Variants in GRIN3B observed in about 807,000 individuals in gnomAD.
The protein encoded by GRIN3B is glutamate receptor ionotropic, NMDA 3B.
Under a neutral mutation model 66.0 loss-of-function variants are expected in GRIN3B, and 77 were observed. The ratio of observed to expected loss-of-function variants is 1.17; its 90% CI spans 0.97 to 1.41. GRIN3B has a LOEUF of 1.41. Ranked by LOEUF, GRIN3B falls within the 40% of genes most tolerant of loss-of-function variation. The pLI is 0.00. For missense variants in GRIN3B, 1,787 were observed against 1,564.5 expected (o/e 1.14, Z -2.40); for synonymous variants, 823 against 749.7 (o/e 1.10, Z -1.60).
In GRIN3B at chr19:1,009,581, C is replaced by T. The variant is rs779119922; in HGVS notation, c.3111C>T (p.Gly1037=). ...CCGCGGAGGCCCCACCACACTCTGG[C>T]CGACCGGGGAGCCAGGAATGAGGCG... The part of the protein sequence containing the change: ...AAPAEAPPHS[G]RPGSQE The change falls in exon 9 of 9, where the codon GGC becomes GGT. Residue 1037 remains glycine, a synonymous_variant. Coordinates refer to ENST00000234389, the MANE Select transcript of GRIN3B (RefSeq NM_138690.3). 1 of 1,443,360 alleles carries T rather than the reference C, an allele frequency of 6.9e-7. No homozygotes were observed. Among genetic ancestry groups the T allele is most frequent in the Non-Finnish European group, 9.1e-7 (1 of 1,103,574 alleles). The allele number at this position is 1,443,360 out of a possible 1,614,324, so 89.4% of individuals were successfully genotyped here.
Position 1,005,359 on chromosome 19 carries a change from C to A in GRIN3B, c.1858C>A (p.Leu620Ile), listed in dbSNP as rs1241763344. 6.2e-7 allele frequency: 1 copy of A among 1,613,664 alleles called. No homozygotes were observed. The highest frequency in any genetic ancestry group is 1.3e-5 in the African/African-American group (1 of 74,946). Reference sequence around the variant, plus strand: ...CACCGTCTTCTCCTACTCCTCAGCCCTCAACCTGTGCTACGCCATCCTCTT... The same window carrying A: ...CACCGTCTTCTCCTACTCCTCAGCCATCAACCTGTGCTACGCCATCCTCTT... ...RSTVFSYSSA[L>I]NLCYAILFRR... The change falls in exon 3 of 9, where the codon CTC becomes ATC. Residue 620 changes from leucine to isoleucine, a missense_variant. Leu to Ile is a conservative substitution (Grantham distance 5, BLOSUM62 2). Coordinates refer to ENST00000234389, the MANE Select transcript of GRIN3B (RefSeq NM_138690.3). This position sits in a 1 kb window ranked among gnomAD's most constrained non-coding sequence, Gnocchi z 5.2.
chr19:1,002,363 C>CAAAAAAAA (rs71335327), intron 1 of GRIN3B, among the ~76,000 whole-genome samples: 140 of 74,678 alleles, frequency 1.9e-3, no homozygotes, highest in African/African-American at 2.1e-3. Context: ...ACTAAAAATA[C>CAAAAAAAA]AAAAAAAAAA....
intron 1 of GRIN3B, among the ~76,000 whole-genome samples, chr19:1,001,558 A>T (rs188209278): frequency 6.6e-6 from 1 of 151,866 alleles, no homozygotes; most frequent in Non-Finnish European, 1.5e-5. Context: ...CCCCCCCAAC[A>T]GGGCTCACTG....
At chr19:1,006,326 G>A (rs1475350864) in intron 3 of GRIN3B, among the ~76,000 whole-genome samples, 2 of 151,480 alleles carry the variant, frequency 1.3e-5, no homozygotes, top group African/African-American at 2.4e-5. Flanking sequence ...TGTATTTTCA[G>A]TAGAGTTGGC....
chr19:1,007,344 G>A lies in GRIN3B; in HGVS notation c.2053-284G>A, dbSNP rs1349716053. Among the ~76,000 whole-genome samples, 1 of 152,004 alleles carries A rather than the reference G, an allele frequency of 6.6e-6. No individual in the cohort carries two copies. The highest frequency in any genetic ancestry group is 1.5e-5 in the Non-Finnish European group (1 of 67,954). On this transcript the variant is annotated intron_variant, in intron 3 of 8. Coordinates refer to ENST00000234389, the MANE Select transcript of GRIN3B (RefSeq NM_138690.3). This position sits in a 1 kb window ranked among gnomAD's most constrained non-coding sequence, Gnocchi z 4.4. ...GTGGTGGGATAGGCGTCCAGCCCAG[G>A]GCGAGGTCCAGGTGGAGATGGACTT...
chr19:1,007,444 G>A lies in GRIN3B; in HGVS notation c.2053-184G>A, dbSNP rs2038762801. 6.6e-6 allele frequency among the ~76,000 whole-genome samples: 1 copy of A among 151,846 alleles called. No homozygotes were observed. Among genetic ancestry groups the A allele is most frequent in the Admixed American group, 6.6e-5 (1 of 15,264 alleles). On this transcript the variant is annotated intron_variant, in intron 3 of 8. Transcript: ENST00000234389. The surrounding 1 kb of genome is among the most constrained non-coding windows in gnomAD (Gnocchi z 4.4). ...CCCCAGGGGACCCTGGACAGTGTGT[G>A]TCTAGAGACAGCTGTGGTGGTCACG... is the stretch of plus-strand genomic sequence containing the variant.
Position 1,007,802 on chromosome 19 carries a change from G to T in GRIN3B, c.2198+29G>T, listed in dbSNP as rs1231904092. On this transcript the variant is annotated intron_variant, in intron 4 of 8. Coordinates refer to ENST00000234389, the MANE Select transcript of GRIN3B (RefSeq NM_138690.3). This position sits in a 1 kb window ranked among gnomAD's most constrained non-coding sequence, Gnocchi z 4.4. ...AGCCCGGGCGCGGGGTGAGGCGGGG[G>T]CGGGGCGTGGGGTGGGCGGGGCGAT... 7.2e-6 allele frequency: 11 copies of T among 1,517,354 alleles called. No homozygotes were observed. Among genetic ancestry groups the T allele is most frequent in the Non-Finnish European group, 8.0e-6 (9 of 1,131,926 alleles). The allele number at this position is 1,517,354 out of a possible 1,614,324, so 94.0% of individuals were successfully genotyped here.
intron 3 of GRIN3B, among the ~76,000 whole-genome samples, chr19:1,006,970 G>A (rs1488283434): frequency 3.9e-5 from 6 of 152,318 alleles, no homozygotes; most frequent in African/African-American, 1.4e-4. Flanking sequence ...ACTCATTAGG[G>A]GTCTGCACCA....
chr19:1,008,350 C>T (rs1748121860), intron 6 of GRIN3B, 59 bp downstream of exon 6: 2 of 1,272,878 alleles, frequency 1.6e-6, no homozygotes, highest in African/African-American at 1.5e-5. Flanking sequence ...GGCCCTGAGC[C>T]TTGTCTGAAG....
rs1004020787 is a variant in GRIN3B, at chr19:1,005,720, C to T, written c.2052+167C>T. Reference sequence around the variant, plus strand: ...AATTTATTTATTTAAAGAAAAATAGCCGGGCGCGGTGGCTCACGCCTGTAA... The same window carrying T: ...AATTTATTTATTTAAAGAAAAATAGTCGGGCGCGGTGGCTCACGCCTGTAA... On this transcript the variant is annotated intron_variant, in intron 3 of 8. Transcript: ENST00000234389. This position sits in a 1 kb window ranked among gnomAD's most constrained non-coding sequence, Gnocchi z 5.2. Among the ~76,000 whole-genome samples, 1 of 152,146 alleles carries T rather than the reference C, an allele frequency of 6.6e-6. No individual in the cohort carries two copies. Among genetic ancestry groups the T allele is most frequent in the African/African-American group, 2.4e-5 (1 of 41,442 alleles).
At position 1,005,374 on chromosome 19, in the gene GRIN3B, G is replaced by A. The variant is rs760049445; in HGVS notation, c.1873G>A (p.Ala625Thr). 11 of 1,613,654 alleles carry A rather than the reference G, an allele frequency of 6.8e-6. No individual in the cohort carries two copies. Among genetic ancestry groups the A allele is most frequent in the East Asian group, 4.5e-5 (2 of 44,888 alleles). ...SYSSALNLCY[A>T]ILFRRTVSSK... The stretch of plus-strand genomic sequence containing the variant: ...CTCCTCAGCCCTCAACCTGTGCTAC[G>A]CCATCCTCTTCAGACGCACCGTGTC... Residue 625 changes from alanine to threonine, a missense_variant, in exon 3 of 9, where the codon GCC becomes ACC. Ala to Thr is a moderately conservative substitution (Grantham distance 58). Coordinates refer to ENST00000234389, the MANE Select transcript of GRIN3B (RefSeq NM_138690.3). The surrounding 1 kb of genome is among the most constrained non-coding windows in gnomAD (Gnocchi z 5.2).
Position 1,003,220 on chromosome 19 carries a change from G to A in GRIN3B, c.517G>A (p.Asp173Asn). The A allele has an allele frequency of 1.3e-6, 2 of 1,571,118 alleles. No individual in the cohort carries two copies. Among genetic ancestry groups the A allele is most frequent in the Middle Eastern group, 1.7e-4 (1 of 5,780 alleles). Residue 173 changes from aspartate to asparagine, a missense_variant, in exon 2 of 9, where the codon GAC becomes AAC. Transcript: ENST00000234389. ...VAVLQAHAWE[D>N]VGLALCRTQD... The stretch of plus-strand genomic sequence containing the variant: ...GGTGCTGCAGGCGCACGCCTGGGAA[G>A]ACGTCGGCCTGGCCCTGTGCCGCAC...
Position 1,009,435 on chromosome 19 carries a change from C to G in GRIN3B, c.2965C>G (p.Arg989Gly). ...QPGELQELER[R>G]IEVARERLRQ... ...CGGGGAGCTGCAGGAGCTGGAGCGC[C>G]GCATCGAAGTCGCGCGTGAGCGGCT... The change falls in exon 9 of 9, where the codon CGC (arginine) becomes GGC (glycine). Residue 989 changes from arginine to glycine, a missense_variant. By Grantham distance (125) the Arg-to-Gly change is moderately radical. Transcript: ENST00000234389. 2 of 1,459,162 alleles carry G rather than the reference C, an allele frequency of 1.4e-6. No individual in the cohort carries two copies. The highest frequency in any genetic ancestry group is 1.8e-6 in the Non-Finnish European group (2 of 1,112,114). The allele number at this position is 1,459,162 out of a possible 1,614,324, so 90.4% of individuals were successfully genotyped here.
chr19:1,005,354 C>G lies in GRIN3B; in HGVS notation c.1853C>G (p.Ser618Ter). Residue 618 changes from serine to a stop codon, truncating the protein, a stop_gained, in exon 3 of 9, where the codon TCA becomes TGA. Transcript: ENST00000234389. LOFTEE classifies it high-confidence loss of function. This position sits in a 1 kb window ranked among gnomAD's most constrained non-coding sequence, Gnocchi z 5.2. ...RNRSTVFSYS[S>*]ALNLCYAILF... ...CGCAGCACCGTCTTCTCCTACTCCT[C>G]AGCCCTCAACCTGTGCTACGCCATC... is the stretch of plus-strand genomic sequence containing the variant. 3 of 1,613,802 alleles carry G rather than the reference C, an allele frequency of 1.9e-6. No homozygotes were observed. The highest frequency in any genetic ancestry group is 2.5e-6 in the Non-Finnish European group (3 of 1,180,018).
chr19:1,003,626 C>G lies in GRIN3B; in HGVS notation c.923C>G (p.Ala308Gly), dbSNP rs1032129780. The change falls in exon 2 of 9, where the codon GCC (alanine) becomes GGC (glycine). Residue 308 changes from alanine (A) to glycine (G), a missense_variant. By Grantham distance (60) the Ala-to-Gly change is moderately conservative. Transcript: ENST00000234389. ...QLVARALGSA[A>G]QVQPKRALLP... ...GTGGCCCGGGCGCTGGGCAGTGCGG[C>G]CCAGGTGCAGCCGAAGCGAGCCCTC... is the stretch of plus-strand genomic sequence containing the variant. 1 of 1,427,796 alleles carries G rather than the reference C, an allele frequency of 7.0e-7. No individual in the cohort carries two copies. Among genetic ancestry groups the G allele is most frequent in the Non-Finnish European group, 9.1e-7 (1 of 1,095,562 alleles). 88.4% of individuals were successfully genotyped at this position (1,427,796 alleles called of 1,614,324 possible). A position where few individuals can be genotyped will look rare whatever the true frequency, so the allele number is the denominator to read the frequency against.
chr19:1,002,817 T>A, intron 1 of GRIN3B: 1 of 300,648 alleles, frequency 3.3e-6, no homozygotes. Context: ...TTGAAGGATG[T>A]GTAGGAGTTG....
chr19:1,009,502 T>C lies in GRIN3B; in HGVS notation c.3032T>C (p.Leu1011Pro). 6.7e-7 allele frequency: 1 copy of C among 1,496,236 alleles called. No homozygotes were observed. The highest frequency in any genetic ancestry group is 8.9e-7 in the Non-Finnish European group (1 of 1,129,190). The allele number at this position is 1,496,236 out of a possible 1,614,324, so 92.7% of individuals were successfully genotyped here. A position where few individuals can be genotyped will look rare whatever the true frequency, so the allele number is the denominator to read the frequency against. Reference sequence around the variant, plus strand: ...CGGCGCGGCCAGCTCCTGGCACAGCTCGGGGACAGCGCACGTCACCGGCCT... The same window carrying C: ...CGGCGCGGCCAGCTCCTGGCACAGCCCGGGGACAGCGCACGTCACCGGCCT... ...LVRRGQLLAQLGDSARHRPRR... is the reference protein window; with the variant it reads ...LVRRGQLLAQPGDSARHRPRR... Residue 1011 changes from leucine (L) to proline (P), a missense_variant, in exon 9 of 9, where the codon CTC (leucine) becomes CCC (proline). Transcript: ENST00000234389.
chr19:1,005,044 G>C lies in GRIN3B; in HGVS notation c.1543G>C (p.Gly515Arg). 1 of 1,611,632 alleles carries C rather than the reference G, an allele frequency of 6.2e-7. No individual in the cohort carries two copies. The highest frequency in any genetic ancestry group is 8.5e-7 in the Non-Finnish European group (1 of 1,179,198). ...YGALRDGRWT[G>R]LVGDLLAGRA... Reference sequence around the variant, plus strand: ...CGCCCTGCGGGACGGCCGCTGGACCGGCCTGGTCGGGGACCTGCTGGCCGG... The same window carrying C: ...CGCCCTGCGGGACGGCCGCTGGACCCGCCTGGTCGGGGACCTGCTGGCCGG... The change falls in exon 3 of 9, where the codon GGC becomes CGC. Residue 515 changes from glycine (G) to arginine (R), a missense_variant. Coordinates refer to ENST00000234389, the MANE Select transcript of GRIN3B (RefSeq NM_138690.3). The surrounding 1 kb of genome is among the most constrained non-coding windows in gnomAD (Gnocchi z 5.2).
rs748523885 is a variant in GRIN3B at position 1,007,681 on chromosome 19, C to T, written c.2106C>T (p.Ala702=). The change falls in exon 4 of 9, where the codon GCC becomes GCT. Residue 702 remains alanine (A), a synonymous_variant. Transcript: ENST00000234389. The surrounding 1 kb of genome is among the most constrained non-coding windows in gnomAD (Gnocchi z 4.4). ...TCGGCACCGTGTGGGAGAGCAGCGC[C>T]GAGGCGTACATCAAGAAGAGCTTCC... The part of the protein sequence containing the change: ...FRFGTVWESS[A]EAYIKKSFPD... 2.0e-6 allele frequency: 3 copies of T among 1,535,746 alleles called. No homozygotes were observed. Among genetic ancestry groups the T allele is most frequent in the Admixed American group, 2.0e-5 (1 of 49,998 alleles).
Sources: allele counts gnomAD v4.1 joint callset (sites outside exome capture counted in the v4.1 genomes callset), GRCh38; gene constraint gnomAD v4.1.1; non-coding constraint Gnocchi (gnomAD v3.1); transcripts MANE v1.5; gene names NCBI Gene and HGNC (gene_info 2026-07-23, HGNC 2026-07-21).